MCOLN2: variants seen among roughly 807,000 people sequenced by gnomAD.
MCOLN2 encodes the protein mucolipin-2.
In MCOLN2, 57 loss-of-function variants were observed where a neutral mutation model predicts 67.5. The observed-to-expected ratio is 0.84, with a 90% CI of 0.68 to 1.05. The LOEUF is 1.05. MCOLN2 is among the 50% of genes least tolerant of loss of function. MCOLN2 has a pLI of 0.00. For missense variants in MCOLN2, 620 were observed against 678.8 expected (o/e 0.91, Z 0.96); for synonymous variants, 246 against 233.3 (o/e 1.05, Z -0.50).
rs6143310 is a variant in MCOLN2 at position 84,996,393 on chromosome 1, C to CATATATATATATATATATAT, written c.77+383_77+402dup. 7.7e-4 allele frequency among the ~76,000 whole-genome samples: 96 copies of CATATATATATATATATATAT among 123,878 alleles called. 2 individuals are homozygous for CATATATATATATATATATAT. Among genetic ancestry groups the CATATATATATATATATATAT allele is most frequent in the African/African-American group, 1.5e-3 (42 of 28,900 alleles). 81.3% of individuals were successfully genotyped at this position (123,878 alleles called of 152,430 possible). On this transcript the variant is annotated intron_variant, in intron 1 of 13. Transcript: ENST00000370608. The stretch of plus-strand genomic sequence containing the variant: ...CACACTTACACATACGTATATATTT[C>CATATATATATATATATATAT]ATATATATATATATATATATATATA...
At chr1:84,974,930 C>T (rs1649921096) in intron 1 of MCOLN2, among the ~76,000 whole-genome samples, 1 of 152,122 alleles carries the variant, frequency 6.6e-6, no homozygotes, top group South Asian at 2.1e-4. Context: ...TGGTGATGAC[C>T]ATGGGGAAGG....
rs147717908 is a variant in MCOLN2 at position 84,966,243 on chromosome 1, C to T, written c.78-535G>A. Among the ~76,000 whole-genome samples the T allele has an allele frequency of 2.3e-3, 357 of 151,978 alleles. 3 individuals carry two copies. The highest frequency in any genetic ancestry group is 8.3e-3 in the African/African-American group (344 of 41,466). ...CTCCAGCCTGGGTGACAGAGCGAGA[C>T]TCCCTCTCAAAAAAATTAAAATTTA... On this transcript the variant is annotated intron_variant, in intron 1 of 13. Transcript: ENST00000370608.
chr1:84,977,756 G>A (rs1650064280), intron 1 of MCOLN2, among the ~76,000 whole-genome samples: 1 of 152,140 alleles, frequency 6.6e-6, no homozygotes, highest in Admixed American at 6.5e-5. Flanking sequence ...TATTATTAGA[G>A]CTAATAAGAG....
At chr1:84,927,576 A>C (rs1661223377) in intron 13 of MCOLN2, among the ~76,000 whole-genome samples, 1 of 152,234 alleles carries the variant, frequency 6.6e-6, no homozygotes, top group African/African-American at 2.4e-5. Context: ...TCAAAGGAGA[A>C]TCAAATGTGT....
intron 1 of MCOLN2, among the ~76,000 whole-genome samples, chr1:84,979,030 C>T (rs11485283): frequency 0.51 from 77,205 of 151,838 alleles, 19,859 homozygotes; most frequent in Middle Eastern, 0.54. Context: ...TCTCTTTTCA[C>T]ATTTTTCTGC....
intron 1 of MCOLN2, among the ~76,000 whole-genome samples, chr1:84,984,821 C>T (rs930419580): frequency 6.6e-6 from 1 of 152,072 alleles, no homozygotes; most frequent in Admixed American, 6.6e-5. Flanking sequence ...ATGGCAAAAC[C>T]CGTCTGTACT....
At chr1:84,943,720 T>A (rs1647924657) in intron 7 of MCOLN2, among the ~76,000 whole-genome samples, 1 of 152,180 alleles carries the variant, frequency 6.6e-6, no homozygotes, top group Admixed American at 6.5e-5. Flanking sequence ...AATGATTTCA[T>A]CTTACTAAGC....
intron 7 of MCOLN2, among the ~76,000 whole-genome samples, chr1:84,944,533 AAAAG>A (rs147241168): frequency 0.042 from 6,305 of 151,814 alleles, 459 homozygotes; most frequent in African/African-American, 0.15. Flanking sequence ...CTCTGTCTCA[AAAAG>A]AAAGAAAGAA....
chr1:84,931,674 G>A (rs942790824), intron 11 of MCOLN2, 106 bp from the exon 12 acceptor site: 2 of 898,504 alleles, frequency 2.2e-6, no homozygotes, highest in Non-Finnish European at 3.5e-6. Flanking sequence ...TGTAGTAGTG[G>A]TAACTTACTT....
intron 6 of MCOLN2, among the ~76,000 whole-genome samples, chr1:84,950,165 CAA>C (rs1232762895): frequency 3.9e-5 from 6 of 152,126 alleles, no homozygotes; most frequent in African/African-American, 1.4e-4. Flanking sequence ...ATTAAGGCAA[CAA>C]AGAGAATTAT....
chr1:84,973,286 G>A (rs1488733696), intron 1 of MCOLN2, among the ~76,000 whole-genome samples: 2 of 152,118 alleles, frequency 1.3e-5, no homozygotes, highest in East Asian at 3.9e-4. Flanking sequence ...AGACCAGCCT[G>A]GACAATATAG....
rs780753032 is a variant in MCOLN2 at position 84,956,427 on chromosome 1, T to G, written c.565+4A>C. The G allele has an allele frequency of 1.2e-6, 2 of 1,610,678 alleles. No homozygotes were observed. The highest frequency in any genetic ancestry group is 2.2e-5 in the South Asian group (2 of 89,986). On this transcript the variant is annotated splice_donor_region_variant and intron_variant, in intron 4 of 13. Coordinates refer to ENST00000370608, the MANE Select transcript of MCOLN2 (RefSeq NM_153259.4). ...GGTACATCATGAAATTATCACTGCATTACCGAGCTCAACGTCGTTGTCAAT... is the reference window on the plus strand; with the variant it reads ...GGTACATCATGAAATTATCACTGCAGTACCGAGCTCAACGTCGTTGTCAAT...
At chr1:84,990,151 A>G (rs1454885833) in intron 1 of MCOLN2, among the ~76,000 whole-genome samples, 1 of 150,982 alleles carries the variant, frequency 6.6e-6, no homozygotes, top group Non-Finnish European at 1.5e-5. Context: ...AAAAAAAATT[A>G]GCCGGGCATG....
intron 6 of MCOLN2, among the ~76,000 whole-genome samples, chr1:84,947,616 C>T (rs572059729): frequency 6.6e-6 from 1 of 152,348 alleles, no homozygotes; most frequent in South Asian, 2.1e-4. Context: ...GCCCTCCAGT[C>T]CTCACAGGCT....
intron 7 of MCOLN2, among the ~76,000 whole-genome samples, chr1:84,942,796 A>G (rs1368907662): frequency 6.6e-6 from 1 of 152,112 alleles, no homozygotes; most frequent in Non-Finnish European, 1.5e-5. Context: ...TATCAAGGGA[A>G]TGGCTCTAGT....
chr1:84,956,700 A>T (rs985386303), intron 3 of MCOLN2, 116 bp from the exon 4 acceptor site: 10 of 803,146 alleles, frequency 1.2e-5, no homozygotes, highest in Middle Eastern at 2.8e-4. Context: ...ATGGCTCTCA[A>T]TAGAACTTCC....
At chr1:84,988,290 A>C (rs1436562251) in intron 1 of MCOLN2, among the ~76,000 whole-genome samples, 1 of 151,972 alleles carries the variant, frequency 6.6e-6, no homozygotes, top group Admixed American at 6.6e-5. Context: ...GGACTCAAGC[A>C]ATCCTCCCAC....
At position 84,957,042 on chromosome 1, in the gene MCOLN2, C is replaced by T. The variant is rs980500147; in HGVS notation, c.412-458G>A. 2.6e-5 allele frequency among the ~76,000 whole-genome samples: 4 copies of T among 152,250 alleles called. No individual in the cohort carries two copies. In the South Asian group the frequency reaches 8.3e-4, roughly 32 times the overall value. On this transcript the variant is annotated intron_variant, in intron 3 of 13. Transcript: ENST00000370608. Reference sequence around the variant, plus strand: ...CTCAATGAGGCCTTCCCTCCCCAAGCCAAGGAAAATTGCAAACATATATCA... The same window carrying T: ...CTCAATGAGGCCTTCCCTCCCCAAGTCAAGGAAAATTGCAAACATATATCA...
Position 84,938,022 on chromosome 1 carries a change from C to A in MCOLN2, c.1171G>T (p.Val391Phe). 1 of 1,614,068 alleles carries A rather than the reference C, an allele frequency of 6.2e-7. No individual in the cohort carries two copies. Among genetic ancestry groups the A allele is most frequent in the Non-Finnish European group, 8.5e-7 (1 of 1,179,966 alleles). The change falls in exon 10 of 14, where the codon GTT becomes TTT. Residue 391 changes from valine (V) to phenylalanine (F), a missense_variant. Val to Phe is a conservative substitution (Grantham distance 50, BLOSUM62 -1). Coordinates refer to ENST00000370608, the MANE Select transcript of MCOLN2 (RefSeq NM_153259.4). The stretch of plus-strand genomic sequence containing the variant: ...TAACCCAGGTATCTGATGACTCCAA[C>A]CCAAACCAAGAGCGTAGAGGTTCCA... The part of the protein sequence containing the change: ...FLGTSTLLVW[V>F]GVIRYLGYFQ...
Sources: allele counts gnomAD v4.1 joint callset (sites outside exome capture counted in the v4.1 genomes callset), GRCh38; gene constraint gnomAD v4.1.1; transcripts MANE v1.5; gene names NCBI Gene and HGNC (gene_info 2026-07-23, HGNC 2026-07-21).